Variants in NUP160 observed in about 807,000 individuals in gnomAD.
The protein encoded by NUP160 is nucleoporin 160, also known as nuclear pore complex protein Nup160.
A neutral mutation model predicts 196.9 loss-of-function variants in NUP160; 94 were observed. The observed-to-expected ratio is 0.48, with a 90% CI of 0.40 to 0.57. The LOEUF is 0.57. Among genes scored for constraint, NUP160 ranks in the 20% least tolerant of loss-of-function variants. NUP160 has a pLI of 0.00. For missense variants in NUP160, 1,638 were observed against 1,748.3 expected, an observed-to-expected ratio of 0.94 and a Z score of 1.13; for synonymous variants, 605 against 619.7, an observed-to-expected ratio of 0.98 and a Z score of 0.35.
chr11:47,813,145 T>G, intron 14 of NUP160, 98 bp from the exon 15 acceptor site: 2 of 1,041,630 alleles, frequency 1.9e-6, no homozygotes, highest in Non-Finnish European at 2.8e-6. Context: ...ACAAGAAATC[T>G]ATCTGAGGTC....
At chr11:47,806,399 TAACA>T in intron 19 of NUP160, 87 bp from the exon 20 acceptor site, 1 of 1,075,144 alleles carries the variant, frequency 9.3e-7, no homozygotes, top group East Asian at 2.5e-5. Flanking sequence ...TTTATGCTTG[TAACA>T]AACAATTTAG....
intron 34 of NUP160, among the ~76,000 whole-genome samples, chr11:47,781,297 C>T (rs1428091177): frequency 6.6e-6 from 1 of 151,628 alleles, no homozygotes; most frequent in Non-Finnish European, 1.5e-5. Context: ...GGGTCTCACT[C>T]TGTCACTCAG....
chr11:47,835,452 C>G (rs1245221210), intron 7 of NUP160, among the ~76,000 whole-genome samples, 199 bp downstream of exon 7: 1 of 152,110 alleles, frequency 6.6e-6, no homozygotes, highest in East Asian at 1.9e-4. Context: ...TTTCATGTTA[C>G]TTTAAACTCT....
chr11:47,795,054 C>A (rs188008764), intron 27 of NUP160, among the ~76,000 whole-genome samples: 1 of 151,850 alleles, frequency 6.6e-6, no homozygotes, highest in Non-Finnish European at 1.5e-5. Context: ...GAGCCGAGAT[C>A]GAGACACTGC....
intron 18 of NUP160, among the ~76,000 whole-genome samples, chr11:47,807,813 C>G (rs2097678619): frequency 6.6e-6 from 1 of 150,420 alleles, no homozygotes. Context: ...TTTATATGTA[C>G]ACACAAACGT....
intron 7 of NUP160, among the ~76,000 whole-genome samples, chr11:47,824,045 A>ATGTATATATATATATATATATG (rs1555005035): frequency 1.0e-5 from 1 of 98,358 alleles, no homozygotes; most frequent in African/African-American, 3.2e-5. Context: ...ATATATATAT[A>ATGTATATATATATATATATATG]TATATATACA....
At chr11:47,800,051 C>G (rs945237523) in intron 23 of NUP160, among the ~76,000 whole-genome samples, 1 of 151,892 alleles carries the variant, frequency 6.6e-6, no homozygotes, top group African/African-American at 2.4e-5. Context: ...GCCAGGAGTT[C>G]GAGACCAGCC....
At chr11:47,825,640 A>G (rs1252169675) in intron 7 of NUP160, among the ~76,000 whole-genome samples, 1 of 152,024 alleles carries the variant, frequency 6.6e-6, no homozygotes, top group Admixed American at 6.6e-5. Flanking sequence ...TTTAGTAGAG[A>G]CAGGGTTTCA....
At chr11:47,791,272 T>C (rs1268734715) in intron 29 of NUP160, among the ~76,000 whole-genome samples, 2 of 152,196 alleles carry the variant, frequency 1.3e-5, no homozygotes, top group African/African-American at 4.8e-5. Flanking sequence ...TTTCTTGTCA[T>C]GTTATGACTT....
At chr11:47,782,289 TA>T (rs1164772188) in intron 34 of NUP160, among the ~76,000 whole-genome samples, 335 of 31,534 alleles carry the variant, frequency 0.011, 3 homozygotes, top group East Asian at 0.02. Flanking sequence ...AAAACTCAGT[TA>T]AAAAAAAAAA....
intron 10 of NUP160, among the ~76,000 whole-genome samples, chr11:47,818,554 C>A (rs7931853): frequency 0.14 from 17,909 of 128,184 alleles, 1,183 homozygotes; most frequent in Non-Finnish European, 0.19. Flanking sequence ...CAAAACAAAA[C>A]AAAACAAAAC....
chr11:47,831,251 A>G (rs1852067334), intron 7 of NUP160, among the ~76,000 whole-genome samples: 1 of 152,344 alleles, frequency 6.6e-6, no homozygotes, highest in Non-Finnish European at 1.5e-5. Flanking sequence ...AATAAGCACT[A>G]AAAAGATGCT....
chr11:47,819,594 AT>A (rs763570291), intron 9 of NUP160, 136 bp from the exon 10 acceptor site: 244 of 483,584 alleles, frequency 5.0e-4, no homozygotes, highest in South Asian at 9.6e-4. Context: ...TATTAAAAAC[AT>A]TTTTTTTTAA....
At chr11:47,835,579 ACT>A in intron 7 of NUP160, 70 bp downstream of exon 7, 1 of 1,296,558 alleles carries the variant, frequency 7.7e-7, no homozygotes, top group Non-Finnish European at 1.0e-6. Context: ...GAACAGACTC[ACT>A]GAGTCTACAG....
chr11:47,794,268 C>A (rs570962721), intron 27 of NUP160, among the ~76,000 whole-genome samples: 6 of 151,990 alleles, frequency 3.9e-5, no homozygotes, highest in Non-Finnish European at 8.8e-5. Context: ...CCAAGACGGG[C>A]GGATCATGAG....
intron 32 of NUP160, among the ~76,000 whole-genome samples, chr11:47,785,867 A>C (rs1284224962): frequency 6.6e-6 from 1 of 152,276 alleles, no homozygotes; most frequent in Non-Finnish European, 1.5e-5. Context: ...TAAAGTGCTA[A>C]GCTGTATAAT....
chr11:47,798,880 C>T (rs2097672458), intron 23 of NUP160, among the ~76,000 whole-genome samples: 1 of 148,714 alleles, frequency 6.7e-6, no homozygotes, highest in Non-Finnish European at 1.5e-5. Flanking sequence ...CTTGTTGAGG[C>T]TGGGTCTGGT....
intron 2 of NUP160, among the ~76,000 whole-genome samples, chr11:47,846,809 T>G (rs1167929432): frequency 6.6e-6 from 1 of 152,174 alleles, no homozygotes; most frequent in Non-Finnish European, 1.5e-5. Flanking sequence ...ATGAGTATAT[T>G]GTGTGTATAT....
chr11:47,806,796 C>T (rs1376115683), intron 19 of NUP160, among the ~76,000 whole-genome samples: 4,833 of 22,134 alleles, frequency 0.22, 193 homozygotes, highest in Non-Finnish European at 0.3. Context: ...GCTATACACA[C>T]ACACACACAC....
Sources: allele counts gnomAD v4.1 joint callset (sites outside exome capture counted in the v4.1 genomes callset), GRCh38; gene constraint gnomAD v4.1.1; transcripts MANE v1.5; gene names NCBI Gene and HGNC (gene_info 2026-07-23, HGNC 2026-07-21).